ZNF277: variants seen among roughly 807,000 people sequenced by gnomAD.
ZNF277 encodes the protein zinc finger protein 277, also known as nuclear receptor-interacting factor 4.
Under a neutral mutation model 60.7 loss-of-function variants are expected in ZNF277, and 55 were observed. The ratio of observed to expected loss-of-function variants is 0.91; its 90% confidence interval spans 0.73 to 1.13. The LOEUF (loss-of-function observed/expected upper bound fraction) is 1.13. Ranked by LOEUF, ZNF277 falls within the 50% of genes most tolerant of loss-of-function variation. The pLI is 0.00. For synonymous variants in ZNF277, 178 were observed against 179.3 expected, an observed-to-expected ratio of 0.99 and a Z score of 0.06; for missense variants, 510 against 523.0, an observed-to-expected ratio of 0.98 and a Z score of 0.24.
At chr7:112,282,526 G>T (rs1049545962) in intron 1 of ZNF277, among the ~76,000 whole-genome samples, 3 of 152,232 alleles carry the variant, frequency 2.0e-5, no homozygotes, top group African/African-American at 7.2e-5. Context: ...AACATGGGAG[G>T]CTTCGCCTTA....
intron 1 of ZNF277, among the ~76,000 whole-genome samples, chr7:112,268,169 T>C (rs1310094949): frequency 1.3e-5 from 2 of 151,894 alleles, no homozygotes; most frequent in Non-Finnish European, 2.9e-5. Flanking sequence ...AGTACAAAAA[T>C]GGAAAGGAAG....
At chr7:112,252,202 A>G (rs1253697840) in intron 1 of ZNF277, among the ~76,000 whole-genome samples, 1 of 152,216 alleles carries the variant, frequency 6.6e-6, no homozygotes, top group African/African-American at 2.4e-5. Context: ...ACAGTTAATG[A>G]AAGTTCCATT....
chr7:112,234,427 A>C (rs972856165), intron 1 of ZNF277, among the ~76,000 whole-genome samples: 3 of 152,194 alleles, frequency 2.0e-5, no homozygotes, highest in African/African-American at 7.2e-5. Context: ...GGGACAAGGC[A>C]GCTCTATGGG....
intron 1 of ZNF277, among the ~76,000 whole-genome samples, chr7:112,207,012 A>G (rs1821516481): frequency 6.6e-6 from 1 of 151,970 alleles, no homozygotes; most frequent in Non-Finnish European, 1.5e-5. Context: ...GGCGGAGAAA[A>G]TGCCATGGGA....
intron 1 of ZNF277, among the ~76,000 whole-genome samples, chr7:112,243,065 C>T (rs370196201): frequency 1.3e-3 from 196 of 152,018 alleles, no homozygotes; most frequent in African/African-American, 4.5e-3. Flanking sequence ...CAAAAATATA[C>T]ACTACAAAAG....
At chr7:112,341,177 G>T in intron 11 of ZNF277, 131 bp downstream of exon 11, 1 of 764,286 alleles carries the variant, frequency 1.3e-6, no homozygotes, top group Non-Finnish European at 1.9e-6. Flanking sequence ...TCAGTACAGT[G>T]TGGGGAAAAA....
intron 7 of ZNF277, among the ~76,000 whole-genome samples, chr7:112,331,122 G>A (rs935985143): frequency 6.6e-6 from 1 of 152,080 alleles, no homozygotes; most frequent in Non-Finnish European, 1.5e-5. Context: ...AGACTAACCA[G>A]GTTACCATGC....
intron 1 of ZNF277, among the ~76,000 whole-genome samples, chr7:112,212,463 G>A (rs558579122): frequency 7.2e-5 from 11 of 152,098 alleles, no homozygotes; most frequent in South Asian, 2.1e-4. Context: ...GAAAATATCC[G>A]TATAATACCT....
intron 2 of ZNF277, among the ~76,000 whole-genome samples, chr7:112,290,989 G>A (rs967393179): frequency 1.3e-4 from 20 of 152,076 alleles, no homozygotes; most frequent in African/African-American, 4.6e-4. Context: ...ATAAGAGATG[G>A]ACTTACCTTG....
chr7:112,287,647 C>T, intron 2 of ZNF277: 1 of 152,202 alleles, frequency 6.6e-6, no homozygotes, highest in Non-Finnish European at 1.5e-5. Flanking sequence ...CTGCCTCAGC[C>T]TCCTGAGTAG....
chr7:112,336,256 G>A, intron 8 of ZNF277, 85 bp downstream of exon 8: 4 of 1,241,864 alleles, frequency 3.2e-6, no homozygotes, highest in Middle Eastern at 2.0e-4. Flanking sequence ...TTATGAAGCG[G>A]GAACATAAGA....
At chr7:112,307,509 G>A (rs747480659) in intron 4 of ZNF277, among the ~76,000 whole-genome samples, 29 of 151,868 alleles carry the variant, frequency 1.9e-4, no homozygotes, top group Non-Finnish European at 3.7e-4. Context: ...CCGCCTCCTG[G>A]TTTCAAGGGA....
At chr7:112,284,663 G>A (rs1051619813) in intron 1 of ZNF277, among the ~76,000 whole-genome samples, 10 of 151,980 alleles carry the variant, frequency 6.6e-5, no homozygotes, top group African/African-American at 9.7e-5. Flanking sequence ...AATATTCTCC[G>A]TACTGTCATG....
chr7:112,237,612 C>T (rs926446531), intron 1 of ZNF277, among the ~76,000 whole-genome samples: 1 of 151,986 alleles, frequency 6.6e-6, no homozygotes, highest in African/African-American at 2.4e-5. Context: ...GAAATGGATA[C>T]ATTTCTAAAA....
chr7:112,261,237 G>A (rs1406014247), intron 1 of ZNF277, among the ~76,000 whole-genome samples: 2 of 152,094 alleles, frequency 1.3e-5, no homozygotes, highest in African/African-American at 4.8e-5. Flanking sequence ...GCTTCAACCA[G>A]GTGCATAAGT....
chr7:112,240,687 C>T (rs1790926451), intron 1 of ZNF277, among the ~76,000 whole-genome samples: 1 of 151,962 alleles, frequency 6.6e-6, no homozygotes, highest in Non-Finnish European at 1.5e-5. Flanking sequence ...AATAGAGAAT[C>T]CAGAAATAAA....
Position 112,343,893 on chromosome 7 carries a change from T to G in ZNF277, c.*1164T>G, listed in dbSNP as rs1393428637. On this transcript the variant is annotated 3_prime_UTR_variant, in exon 12 of 12. Coordinates refer to ENST00000361822, the MANE Select transcript of ZNF277 (RefSeq NM_021994.3). ...GTGAGCCGAGATCACACCACTGCAG[T>G]TCAGCCTGGGCAACAGACCAAGACT... 6.7e-6 allele frequency among the ~76,000 whole-genome samples: 1 copy of G among 150,366 alleles called. No homozygotes were observed. The highest frequency in any genetic ancestry group is 1.5e-5 in the Non-Finnish European group (1 of 67,844).
intron 4 of ZNF277, among the ~76,000 whole-genome samples, chr7:112,310,478 A>AGAGAGAGAGAGAGAGAGAGAGT (rs762824873): frequency 0.011 from 1,351 of 125,316 alleles, 55 homozygotes; most frequent in African/African-American, 0.036. Context: ...AGAGAGAGAG[A>AGAGAGAGAGAGAGAGAGAGAGT]GTGTGTGTGT....
chr7:112,334,676 T>A (rs913916539), intron 7 of ZNF277, among the ~76,000 whole-genome samples: 1 of 152,222 alleles, frequency 6.6e-6, no homozygotes, highest in East Asian at 1.9e-4. Flanking sequence ...AGATATTTTT[T>A]GTACTTTTGG....
Sources: gnomAD v4.1 joint callset for allele counts (sites outside exome capture counted in the v4.1 genomes callset) on GRCh38, gnomAD v4.1.1 for gene constraint, MANE v1.5 for transcripts, NCBI Gene and HGNC (gene_info 2026-07-23, HGNC 2026-07-21) for gene names.